SLCO5A1: variants seen among roughly 807,000 people sequenced by gnomAD.
The protein encoded by SLCO5A1 is solute carrier organic anion transporter family member 5A1.
A neutral mutation model predicts 65.1 loss-of-function variants in SLCO5A1; 39 were observed. The observed-to-expected ratio is 0.60, with a 90% CI of 0.46 to 0.78. The LOEUF is 0.78. Ranked by LOEUF, SLCO5A1 falls within the 30% of genes least tolerant of loss-of-function variation. The pLI, the probability that SLCO5A1 is intolerant of heterozygous loss-of-function variation, is 0.00. For synonymous variants in SLCO5A1, 438 were observed against 415.7 expected, an observed-to-expected ratio of 1.05 and a Z score of -0.65; for missense variants, 1,029 against 1,069.4, an observed-to-expected ratio of 0.96 and a Z score of 0.53.
chr8:69,801,839 G>A (rs1038073788), intron 2 of SLCO5A1, among the ~76,000 whole-genome samples: 1 of 152,154 alleles, frequency 6.6e-6, no homozygotes, highest in Non-Finnish European at 1.5e-5. Flanking sequence ...ACTAAGACCC[G>A]CTGAGTTCAG....
intron 3 of SLCO5A1, among the ~76,000 whole-genome samples, chr8:69,759,117 C>T (rs1644774469): frequency 1.3e-5 from 2 of 152,158 alleles, no homozygotes; most frequent in South Asian, 4.1e-4. Context: ...GCACCCAATA[C>T]ATTTTAGCAT....
At chr8:69,681,419 C>G (rs1175887677) in intron 7 of SLCO5A1, among the ~76,000 whole-genome samples, 1 of 152,090 alleles carries the variant, frequency 6.6e-6, no homozygotes, top group Non-Finnish European at 1.5e-5. Context: ...CATGGAGAAA[C>G]CCCGTCTCTA....
chr8:69,763,013 C>CA (rs1235648540), intron 2 of SLCO5A1, among the ~76,000 whole-genome samples: 2 of 152,122 alleles, frequency 1.3e-5, no homozygotes, highest in Non-Finnish European at 2.9e-5. Flanking sequence ...ATCTTGCCAT[C>CA]AAAATGGGCA....
rs975245374 is a variant in SLCO5A1, at chr8:69,782,870, T to C, written c.908-20995A>G. Among the ~76,000 whole-genome samples, 3 of 152,220 alleles carry C rather than the reference T, an allele frequency of 2.0e-5. No homozygotes were observed. In the East Asian group the frequency reaches 5.8e-4, roughly 29 times the overall value. The stretch of plus-strand genomic sequence containing the variant: ...ATATTCAGTTTCCTCAGGGCAATTA[T>C]GACTCAACTCATATTCAAGAGGTTC... On this transcript the variant is annotated intron_variant, in intron 2 of 9. Coordinates refer to ENST00000260126, the MANE Select transcript of SLCO5A1 (RefSeq NM_030958.3).
Position 69,834,846 on chromosome 8 carries a change from C to G in SLCO5A1, c.-497+8G>C, listed in dbSNP as rs1045396440. ...CGCTGCCCGGGCGCTCAAGCCGCCG[C>G]TACTCACTAGCGAGTCTGTCAGTCT... On this transcript the variant is annotated splice_region_variant and intron_variant, in intron 1 of 9. Coordinates refer to ENST00000260126, the MANE Select transcript of SLCO5A1 (RefSeq NM_030958.3). 1 of 153,474 alleles carries G rather than the reference C, an allele frequency of 6.5e-6. No individual in the cohort carries two copies. Among genetic ancestry groups the G allele is most frequent in the African/African-American group, 2.4e-5 (1 of 41,588 alleles). 9.5% of individuals were successfully genotyped at this position (153,474 alleles called of 1,614,324 possible). A position where few individuals can be genotyped will look rare whatever the true frequency, so the allele number is the denominator to read the frequency against.
rs1374284953 is a variant in SLCO5A1, at chr8:69,672,534, TTAA to T, written c.*332_*334del. On this transcript the variant is annotated 3_prime_UTR_variant, in exon 10 of 10. Transcript: ENST00000260126. ...AGCTCACCTTTGTTTGGAGTGTTAG[TTAA>T]TGATATGCACCGCCATTCCCCTTCC... The T allele has an allele frequency of 4.0e-6, 1 of 250,412 alleles. No homozygotes were observed. Among genetic ancestry groups the T allele is most frequent in the African/African-American group, 2.2e-5 (1 of 45,502 alleles). 15.5% of individuals were successfully genotyped at this position (250,412 alleles called of 1,614,324 possible).
chr8:69,792,537 T>C (rs534927197), intron 2 of SLCO5A1, among the ~76,000 whole-genome samples: 3 of 152,172 alleles, frequency 2.0e-5, no homozygotes, highest in South Asian at 2.1e-4. Flanking sequence ...TAAGGTGGTA[T>C]TTTAAGAGCA....
chr8:69,785,038 AAGAG>A (rs746476627), intron 2 of SLCO5A1, among the ~76,000 whole-genome samples: 11 of 148,944 alleles, frequency 7.4e-5, no homozygotes, highest in South Asian at 2.2e-4. Context: ...AGGAAGGGGA[AAGAG>A]AGAGAGAGAG....
At chr8:69,754,690 T>C (rs999734544) in intron 4 of SLCO5A1, among the ~76,000 whole-genome samples, 1 of 152,206 alleles carries the variant, frequency 6.6e-6, no homozygotes. Context: ...TGAACAAATA[T>C]TGTCTGGTCA....
intron 4 of SLCO5A1, 101 bp downstream of exon 4, chr8:69,755,323 C>G: frequency 1.1e-6 from 1 of 889,644 alleles, no homozygotes; most frequent in Non-Finnish European, 1.7e-6. Flanking sequence ...TAGTACTTAT[C>G]TGGCCACAGA....
chr8:69,781,643 T>C (rs535116192), intron 2 of SLCO5A1, among the ~76,000 whole-genome samples: 1 of 151,320 alleles, frequency 6.6e-6, no homozygotes, highest in South Asian at 2.1e-4. Context: ...TTTTTTGTTT[T>C]TGTTTTTTGT....
chr8:69,700,749 C>A lies in SLCO5A1; in HGVS notation c.1622+4282G>T, dbSNP rs541920249. On this transcript the variant is annotated intron_variant, in intron 6 of 9. Coordinates refer to ENST00000260126, the MANE Select transcript of SLCO5A1 (RefSeq NM_030958.3). The stretch of plus-strand genomic sequence containing the variant: ...ACAATGGGGCAAAAACTTCAAAACT[C>A]TGAGTAAAAATGACTCATCCAAAAT... Among the ~76,000 whole-genome samples, 21 of 151,992 alleles carry A rather than the reference C, an allele frequency of 1.4e-4. No homozygotes were observed. The South Asian group carries it at 3.9e-3, about 29-fold the overall frequency.
At chr8:69,737,922 G>T (rs1388189260) in intron 5 of SLCO5A1, 118 bp downstream of exon 5, 1 of 1,044,102 alleles carries the variant, frequency 9.6e-7, no homozygotes. Flanking sequence ...TGGGGGGAAA[G>T]GTAGCTGTTA....
intron 2 of SLCO5A1, among the ~76,000 whole-genome samples, chr8:69,816,950 T>C (rs538206911): frequency 7.2e-5 from 11 of 152,350 alleles, no homozygotes; most frequent in African/African-American, 2.4e-4. Context: ...TTAATTCAGA[T>C]GGATTTATAG....
At chr8:69,729,783 G>A (rs4507768) in intron 5 of SLCO5A1, among the ~76,000 whole-genome samples, 50,059 of 151,768 alleles carry the variant, frequency 0.33, 9,194 homozygotes, top group Middle Eastern at 0.45. Context: ...ACTGTCTCCC[G>A]CCCCAGAAAG....
intron 6 of SLCO5A1, among the ~76,000 whole-genome samples, chr8:69,697,846 CTTGT>C (rs1050574061): frequency 3.3e-5 from 5 of 151,824 alleles, no homozygotes; most frequent in Admixed American, 2.0e-4. Flanking sequence ...TTTATTTTTA[CTTGT>C]TTGTTTGTTT....
At chr8:69,807,182 TATA>T (rs1191655753) in intron 2 of SLCO5A1, among the ~76,000 whole-genome samples, 2 of 152,220 alleles carry the variant, frequency 1.3e-5, no homozygotes, top group Non-Finnish European at 2.9e-5. Context: ...GGAATTAGAA[TATA>T]CATGTGTGAG....
At chr8:69,780,202 G>A (rs1818734531) in intron 2 of SLCO5A1, among the ~76,000 whole-genome samples, 1 of 152,210 alleles carries the variant, frequency 6.6e-6, no homozygotes, top group Non-Finnish European at 1.5e-5. Flanking sequence ...CACTGTTGAT[G>A]GGAATGTCAA....
At chr8:69,765,120 C>A (rs191539446) in intron 2 of SLCO5A1, among the ~76,000 whole-genome samples, 2 of 152,172 alleles carry the variant, frequency 1.3e-5, no homozygotes, top group Admixed American at 1.3e-4. Context: ...CCATATATAT[C>A]TGTGTGCCTG....
Sources: allele counts gnomAD v4.1 joint callset (sites outside exome capture counted in the v4.1 genomes callset), GRCh38; gene constraint gnomAD v4.1.1; transcripts MANE v1.5; gene names NCBI Gene and HGNC (gene_info 2026-07-23, HGNC 2026-07-21).